Variants in LZTFL1 observed in about 807,000 individuals in gnomAD.
LZTFL1 encodes leucine zipper transcription factor-like protein 1.
LZTFL1 carries 25 observed loss-of-function variants against 45.9 expected under a neutral mutation model. The observed-to-expected ratio is 0.54, with a 90% CI of 0.40 to 0.76. The LOEUF is 0.76. Among genes scored for constraint, LZTFL1 ranks in the 30% least tolerant of loss-of-function variants. The pLI, the probability that LZTFL1 is intolerant of heterozygous loss-of-function variation, is 0.00. For synonymous variants in LZTFL1, 93 were observed against 117.4 expected, an observed-to-expected ratio of 0.79 and a Z score of 1.35; for missense variants, 277 against 331.1, an observed-to-expected ratio of 0.84 and a Z score of 1.27.
intron 4 of LZTFL1, among the ~76,000 whole-genome samples, chr3:45,849,679 C>T (rs1237296396): frequency 3.3e-5 from 5 of 152,100 alleles, no homozygotes; most frequent in Non-Finnish European, 1.5e-5. Context: ...ATAGCAGAAA[C>T]GTGGTAAGAA....
At chr3:45,882,028 A>C (rs1304639853) in intron 2 of LZTFL1, among the ~76,000 whole-genome samples, 1 of 152,260 alleles carries the variant, frequency 6.6e-6, no homozygotes, top group Non-Finnish European at 1.5e-5. Context: ...TTCACTAGCT[A>C]TATGTGGCCA....
intron 1 of LZTFL1, among the ~76,000 whole-genome samples, chr3:45,915,124 A>G (rs554939897): frequency 6.6e-6 from 1 of 152,290 alleles, no homozygotes; most frequent in African/African-American, 2.4e-5. Context: ...TCAATGGTCC[A>G]GGCTTCCTTA....
intron 2 of LZTFL1, among the ~76,000 whole-genome samples, chr3:45,893,779 A>G (rs1257460219): frequency 6.6e-6 from 1 of 152,250 alleles, no homozygotes; most frequent in East Asian, 1.9e-4. Flanking sequence ...ATGGGGACAT[A>G]TACTTACAAT....
intron 2 of LZTFL1, among the ~76,000 whole-genome samples, chr3:45,889,453 C>T (rs1702080449): frequency 6.6e-6 from 1 of 152,086 alleles, no homozygotes; most frequent in Non-Finnish European, 1.5e-5. Flanking sequence ...GTTTTGTAAA[C>T]AGGTGTGCTG....
chr3:45,858,964 C>A (rs1049860856), exon 3 of LZTFL1: 2 of 152,160 alleles, frequency 1.3e-5, no homozygotes, highest in Non-Finnish European at 2.9e-5. Flanking sequence ...ACTGTGAACT[C>A]TGGCCTCTAG....
intron 2 of LZTFL1, among the ~76,000 whole-genome samples, chr3:45,868,125 A>G (rs1701607968): frequency 6.7e-6 from 1 of 148,420 alleles, no homozygotes; most frequent in South Asian, 2.1e-4. Flanking sequence ...ATACATATGT[A>G]ACAAACCTGC....
At chr3:45,890,798 G>A (rs905367373) in intron 2 of LZTFL1, among the ~76,000 whole-genome samples, 3 of 152,238 alleles carry the variant, frequency 2.0e-5, no homozygotes, top group Admixed American at 1.3e-4. Flanking sequence ...CAGGTGAATT[G>A]CCCCACAGAG....
rs538776938 is a variant in LZTFL1, at chr3:45,826,306, C to T, written c.*8G>A. The T allele has an allele frequency of 1.2e-6, 2 of 1,612,052 alleles. No homozygotes were observed. The highest frequency in any genetic ancestry group is 2.7e-5 in the African/African-American group (2 of 74,986). ...GCATGTGGTAGCTTCCAGAGGAAAT[C>T]TTCAGTTTTAATCTTCAGGTTCATA... On this transcript the variant is annotated 3_prime_UTR_variant, in exon 10 of 10. Transcript: ENST00000296135.
At chr3:45,910,317 G>T (rs1411441673) in intron 2 of LZTFL1, among the ~76,000 whole-genome samples, 1 of 152,166 alleles carries the variant, frequency 6.6e-6, no homozygotes, top group Non-Finnish European at 1.5e-5. Flanking sequence ...TACTCTGGGG[G>T]TAGACACAAT....
chr3:45,911,013 G>C (rs569544828), intron 2 of LZTFL1, among the ~76,000 whole-genome samples: 8 of 152,250 alleles, frequency 5.3e-5, no homozygotes, highest in African/African-American at 1.7e-4. Flanking sequence ...CCCAGCACAC[G>C]GCAGCTTCAG....
At chr3:45,842,275 T>A, upstream of LZTFL1, 2 of 975,912 alleles carry the variant, frequency 2.0e-6, no homozygotes, top group Non-Finnish European at 2.9e-6. Flanking sequence ...AGTTCACTTT[T>A]GGGAGCTGAC....
intron 2 of LZTFL1, among the ~76,000 whole-genome samples, chr3:45,889,490 C>CT (rs980929361): frequency 3.4e-4 from 50 of 148,756 alleles, no homozygotes; most frequent in African/African-American, 5.9e-4. Context: ...GCTTCTTCTT[C>CT]TTTTTTTTTT....
intron 1 of LZTFL1, among the ~76,000 whole-genome samples, chr3:45,840,179 A>T (rs1434379516): frequency 1.3e-5 from 2 of 152,200 alleles, no homozygotes; most frequent in African/African-American, 4.8e-5. Flanking sequence ...ACCAAGAAGG[A>T]AAAATTACTC....
chr3:45,869,268 C>CT (rs553278986), intron 2 of LZTFL1, among the ~76,000 whole-genome samples: 2 of 152,202 alleles, frequency 1.3e-5, no homozygotes, highest in Non-Finnish European at 2.9e-5. Flanking sequence ...ACCAAGTCTA[C>CT]TGATGCTGTA....
At chr3:45,869,587 G>A (rs1701638443) in intron 2 of LZTFL1, among the ~76,000 whole-genome samples, 2 of 152,184 alleles carry the variant, frequency 1.3e-5, no homozygotes, top group East Asian at 3.9e-4. Flanking sequence ...AGACAACGCA[G>A]CCAACTCTGA....
At chr3:45,831,497 G>A (rs1054675766) in intron 5 of LZTFL1, among the ~76,000 whole-genome samples, 3 of 152,188 alleles carry the variant, frequency 2.0e-5, no homozygotes, top group Admixed American at 2.0e-4. Flanking sequence ...ACTGCACACT[G>A]TTGCCCCTTA....
At chr3:45,912,254 G>A (rs1702808719) in intron 2 of LZTFL1, among the ~76,000 whole-genome samples, 1 of 152,224 alleles carries the variant, frequency 6.6e-6, no homozygotes, top group African/African-American at 2.4e-5. Flanking sequence ...GTGTTTTACT[G>A]AAGATGAAAA....
intron 2 of LZTFL1, among the ~76,000 whole-genome samples, chr3:45,873,761 C>T (rs1487202954): frequency 1.3e-5 from 2 of 152,160 alleles, no homozygotes; most frequent in Non-Finnish European, 2.9e-5. Context: ...AAAACAAAAC[C>T]TCTTCCTGCC....
chr3:45,862,994 T>C (rs1003205390), intron 2 of LZTFL1, among the ~76,000 whole-genome samples: 3 of 152,140 alleles, frequency 2.0e-5, no homozygotes, highest in East Asian at 3.8e-4. Context: ...CAAACTCAGT[T>C]CTGACTGCTT....
Sources: gnomAD v4.1 joint callset for allele counts (sites outside exome capture counted in the v4.1 genomes callset) on GRCh38, gnomAD v4.1.1 for gene constraint, MANE v1.5 for transcripts, NCBI Gene and HGNC (gene_info 2026-07-23, HGNC 2026-07-21) for gene names.